The following ABCA13 variants were observed in gnomAD, a reference collection of about 807,000 sequenced individuals.
The protein encoded by ABCA13 is ATP-binding cassette sub-family A member 13.
In ABCA13, 476 loss-of-function variants were observed where a neutral mutation model predicts 478.7. The observed-to-expected ratio is 0.99, with a 90% CI of 0.92 to 1.07. ABCA13 has a LOEUF of 1.07. Among genes scored for constraint, ABCA13 ranks in the 50% least tolerant of loss-of-function variants. ABCA13 has a pLI of 0.00. For missense variants in ABCA13, 6,060 were observed against 5,910.6 expected (o/e 1.03, Z -0.83); for synonymous variants, 2,252 against 2,158.9 (o/e 1.04, Z -1.20).
rs1799258842 is a variant in ABCA13 at position 48,295,697 on chromosome 7, T to C, written c.8956-3T>C. 1.2e-6 allele frequency: 2 copies of C among 1,613,872 alleles called. No homozygotes were observed. Among genetic ancestry groups the C allele is most frequent in the South Asian group, 1.1e-5 (1 of 91,090 alleles). ...TAACCTATATCATTGCTATGTTTTC[T>C]AGGAAATTGAAAAGATATGGTCCTC... On this transcript the variant is annotated splice_polypyrimidine_tract_variant and splice_region_variant and intron_variant, in intron 20 of 61. Coordinates refer to ENST00000435803, the MANE Select transcript of ABCA13 (RefSeq NM_152701.5).
intron 7 of ABCA13, among the ~76,000 whole-genome samples, chr7:48,230,732 C>T (rs1471518630): frequency 2.8e-4 from 42 of 151,846 alleles, no homozygotes; most frequent in African/African-American, 9.9e-4. Context: ...TCTATTCATC[C>T]ATTAATCCAT....
At chr7:48,511,274 C>A in intron 51 of ABCA13, 75 bp downstream of exon 51, 2 of 1,207,860 alleles carry the variant, frequency 1.7e-6, no homozygotes, top group South Asian at 1.5e-5. Flanking sequence ...TGGCTTTGAA[C>A]CTGCTGTCGA....
chr7:48,587,231 C>A lies in ABCA13; in HGVS notation c.14583C>A (p.Thr4861=), dbSNP rs762458313. The change falls in exon 57 of 62, where the codon ACC becomes ACA. Residue 4861 remains threonine (T), a synonymous_variant. Coordinates refer to ENST00000435803, the MANE Select transcript of ABCA13 (RefSeq NM_152701.5). ...DKPVATYSGG[T]KRKLSTALAL... is the part of the protein sequence containing the mutation. ...CTGTGGCCACCTACAGTGGGGGAACCAAGCGGAAACTCTCTACAGCCCTGG... is the reference window on the plus strand; with the variant it reads ...CTGTGGCCACCTACAGTGGGGGAACAAAGCGGAAACTCTCTACAGCCCTGG... 6.2e-7 allele frequency: 1 copy of A among 1,612,388 alleles called. No individual in the cohort carries two copies. The highest frequency in any genetic ancestry group is 8.5e-7 in the Non-Finnish European group (1 of 1,179,204).
rs1397186829 is a variant in ABCA13 at position 48,273,708 on chromosome 7, G to A, written c.4042G>A (p.Asp1348Asn). The change falls in exon 17 of 62, where the codon GAT becomes AAT. Residue 1348 changes from aspartate to asparagine, a missense_variant. Around this residue, in one of 3 missense-constraint regions of ABCA13, gnomAD observed 4,423 missense variants for 4,309.1 expected, o/e 1.03. Transcript: ENST00000435803. The stretch of plus-strand genomic sequence containing the variant: ...TGATCGAGATTTGTTTTCCTGTGCT[G>A]ATATTTTCCAAAATGTTACTGAGTG... The part of the protein sequence containing the change: ...SHDRDLFSCA[D>N]IFQNVTECIL... 14 of 1,608,398 alleles carry A rather than the reference G, an allele frequency of 8.7e-6. No individual in the cohort carries two copies. In the Admixed American group the frequency reaches 2.4e-4, roughly 27 times the overall value.
intron 55 of ABCA13, among the ~76,000 whole-genome samples, chr7:48,531,094 T>C (rs2222731): frequency 0.14 from 21,089 of 152,176 alleles, 1,831 homozygotes; most frequent in African/African-American, 0.23. Context: ...TTTTCCGATG[T>C]TATCTTCTAG....
At chr7:48,263,612 T>C (rs950271100) in intron 15 of ABCA13, among the ~76,000 whole-genome samples, 2 of 151,892 alleles carry the variant, frequency 1.3e-5, no homozygotes, top group African/African-American at 4.8e-5. Flanking sequence ...CGTAGGCACA[T>C]GCAATTAATA....
At chr7:48,411,074 TCTTTCTTTCTCTCCTTTC>T in intron 40 of ABCA13, among the ~76,000 whole-genome samples, 1 of 120,486 alleles carries the variant, frequency 8.3e-6, no homozygotes, top group East Asian at 2.6e-4. Flanking sequence ...TCTTTCTTTT[TCTTTCTTTCTCTCCTTTC>T]CTTTCCTTTC....
At chr7:48,474,778 T>G (rs1827893740) in intron 45 of ABCA13, among the ~76,000 whole-genome samples, 1 of 152,198 alleles carries the variant, frequency 6.6e-6, no homozygotes, top group Non-Finnish European at 1.5e-5. Context: ...ACGCTCTTAT[T>G]CTCTAGCCTT....
At chr7:48,374,760 C>T (rs887189682) in intron 34 of ABCA13, among the ~76,000 whole-genome samples, 1 of 152,148 alleles carries the variant, frequency 6.6e-6, no homozygotes, top group Admixed American at 6.5e-5. Flanking sequence ...TCTGTTAGAT[C>T]AGGGGTCCCC....
chr7:48,343,174 A>G (rs1807511169), intron 29 of ABCA13, among the ~76,000 whole-genome samples: 1 of 152,052 alleles, frequency 6.6e-6, no homozygotes, highest in Non-Finnish European at 1.5e-5. Context: ...ACCAGACATT[A>G]TAAATGGAAA....
chr7:48,591,835 G>C (rs1357466061), intron 57 of ABCA13, among the ~76,000 whole-genome samples: 8 of 151,774 alleles, frequency 5.3e-5, no homozygotes, highest in Admixed American at 5.2e-4. Flanking sequence ...TGACTTTATT[G>C]CATTTGTTTA....
intron 61 of ABCA13, 79 bp from the exon 62 acceptor site, chr7:48,645,338 G>C (rs972987542): frequency 3.4e-5 from 40 of 1,162,238 alleles, no homozygotes; most frequent in Admixed American, 6.5e-5. Flanking sequence ...AGTGTTCTGA[G>C]ACAATGTCTC....
intron 59 of ABCA13, among the ~76,000 whole-genome samples, chr7:48,639,207 A>G (rs1189549289): frequency 6.6e-6 from 1 of 152,214 alleles, no homozygotes; most frequent in Non-Finnish European, 1.5e-5. Flanking sequence ...TTAATAATAC[A>G]GAGATGCCAG....
At chr7:48,627,017 C>G in intron 59 of ABCA13, 3 of 985,378 alleles carry the variant, frequency 3.0e-6, no homozygotes. Flanking sequence ...TTTATAAACT[C>G]TGAAGTAGAG....
At chr7:48,387,651 C>G (rs1341395323) in intron 35 of ABCA13, among the ~76,000 whole-genome samples, 171 bp from the exon 36 acceptor site, 1 of 152,118 alleles carries the variant, frequency 6.6e-6, no homozygotes, top group Admixed American at 6.6e-5. Flanking sequence ...AGAGTTAGGG[C>G]TCCACTGCAA....
chr7:48,487,324 C>CA (rs1445389488), intron 47 of ABCA13, among the ~76,000 whole-genome samples: 4 of 138,798 alleles, frequency 2.9e-5, no homozygotes, highest in Non-Finnish European at 4.6e-5. Context: ...AAAAACAAAA[C>CA]AAAACAAAAC....
chr7:48,275,654 TATTATTTCCTCAA>T lies in ABCA13; in HGVS notation c.5992_6004del (p.Ile1998TrpfsTer7). On this transcript the variant is annotated frameshift_variant, in exon 17 of 62. Transcript: ENST00000435803. LOFTEE classifies it high-confidence loss of function. Reference sequence around the variant, plus strand: ...AAGACACAGAGACATCTGTTCAAAATATTATTTCCTCAAATTTGGAAAGGACAGTACAATTGAT... The same window carrying T: ...AAGACACAGAGACATCTGTTCAAAATATTTGGAAAGGACAGTACAATTGAT... 1 of 1,600,764 alleles carries T rather than the reference TATTATTTCCTCAA, an allele frequency of 6.2e-7. No individual in the cohort carries two copies. Among genetic ancestry groups the T allele is most frequent in the Non-Finnish European group, 8.5e-7 (1 of 1,172,792 alleles).
chr7:48,587,834 A>C (rs1023903967), intron 57 of ABCA13, among the ~76,000 whole-genome samples: 4 of 152,258 alleles, frequency 2.6e-5, no homozygotes, highest in Non-Finnish European at 5.9e-5. Context: ...GAATCAAAGC[A>C]TTAATTGGAG....
At chr7:48,372,601 C>T in intron 33 of ABCA13, 104 bp downstream of exon 33, 2 of 934,718 alleles carry the variant, frequency 2.1e-6, no homozygotes, top group Non-Finnish European at 3.1e-6. Flanking sequence ...TTGTCATGTT[C>T]ATATCTACAT....
Sources: allele counts gnomAD v4.1 joint callset (sites outside exome capture counted in the v4.1 genomes callset), GRCh38; gene constraint gnomAD v4.1.1; regional missense constraint gnomAD v4.1.1; transcripts MANE v1.5; gene names NCBI Gene and HGNC (gene_info 2026-07-23, HGNC 2026-07-21).